MAGI1: variants seen among roughly 807,000 people sequenced by gnomAD.
MAGI1 encodes membrane-associated guanylate kinase, WW and PDZ domain-containing protein 1.
Under a neutral mutation model 139.9 loss-of-function variants are expected in MAGI1, and 58 were observed. That is an observed-to-expected ratio of 0.41 (90% CI 0.34 to 0.52). The LOEUF is 0.52. MAGI1 is among the 20% of genes least tolerant of loss of function. MAGI1 has a pLI of 0.12. For synonymous variants in MAGI1, 812 were observed against 737.9 expected, an observed-to-expected ratio of 1.10 and a Z score of -1.63; for missense variants, 1,874 against 1,901.6, an observed-to-expected ratio of 0.99 and a Z score of 0.27.
At chr3:65,560,074 G>A (rs2080272853) in intron 2 of MAGI1, among the ~76,000 whole-genome samples, 1 of 152,072 alleles carries the variant, frequency 6.6e-6, no homozygotes, top group Non-Finnish European at 1.5e-5. Flanking sequence ...TGACTTCAAA[G>A]CTTGTCTGTT....
intron 1 of MAGI1, among the ~76,000 whole-genome samples, chr3:65,637,254 GAA>G (rs1005929652): frequency 6.6e-6 from 1 of 150,948 alleles, no homozygotes; most frequent in Non-Finnish European, 1.5e-5. Flanking sequence ...GAGCATATTA[GAA>G]AAAAAAATAT....
At chr3:65,966,209 T>C (rs2064731779) in intron 1 of MAGI1, among the ~76,000 whole-genome samples, 1 of 152,152 alleles carries the variant, frequency 6.6e-6, no homozygotes, top group African/African-American at 2.4e-5. Context: ...ACTGCCAAAA[T>C]ACCCCATGGT....
At chr3:65,660,255 A>T (rs536302587) in intron 1 of MAGI1, among the ~76,000 whole-genome samples, 1 of 152,356 alleles carries the variant, frequency 6.6e-6, no homozygotes, top group African/African-American at 2.4e-5. Context: ...TGCACTCTCT[A>T]AGGCACTAAC....
At chr3:65,530,103 C>G (rs559898337) in intron 2 of MAGI1, among the ~76,000 whole-genome samples, 5 of 152,126 alleles carry the variant, frequency 3.3e-5, no homozygotes, top group Non-Finnish European at 5.9e-5. Flanking sequence ...GAAGCAATAC[C>G]TTGCATATAG....
chr3:65,417,035 G>C (rs566672627), intron 12 of MAGI1, among the ~76,000 whole-genome samples: 1 of 152,248 alleles, frequency 6.6e-6, no homozygotes, highest in South Asian at 2.1e-4. Flanking sequence ...TTTTACACAT[G>C]GTAAACTCTG....
intron 1 of MAGI1, among the ~76,000 whole-genome samples, chr3:65,636,284 G>C (rs1270095918): frequency 1.3e-5 from 2 of 152,106 alleles, no homozygotes; most frequent in East Asian, 3.9e-4. Context: ...CATTTTTCAA[G>C]AATGTGGTAC....
intron 4 of MAGI1, among the ~76,000 whole-genome samples, chr3:65,472,242 A>C (rs1950598875): frequency 6.6e-6 from 1 of 152,174 alleles, no homozygotes; most frequent in African/African-American, 2.4e-5. Context: ...AGTCACCTTT[A>C]ATTCTCTAGA....
At chr3:66,015,038 C>T (rs1219994398) in intron 1 of MAGI1, among the ~76,000 whole-genome samples, 2 of 151,972 alleles carry the variant, frequency 1.3e-5, no homozygotes, top group African/African-American at 4.8e-5. Context: ...CACCACCATC[C>T]CCTCACCCAG....
chr3:65,839,359 TTATTA>T (rs1025112277), intron 1 of MAGI1, among the ~76,000 whole-genome samples: 41 of 152,186 alleles, frequency 2.7e-4, no homozygotes, highest in Non-Finnish European at 5.0e-4. Flanking sequence ...GTTAATGTAT[TTATTA>T]TATTATACTT....
intron 1 of MAGI1, among the ~76,000 whole-genome samples, chr3:65,921,245 C>CA (rs1414365884): frequency 2.0e-5 from 3 of 150,220 alleles, no homozygotes; most frequent in Non-Finnish European, 4.4e-5. Context: ...CAATGTATAA[C>CA]AAAAAAAATT....
At chr3:65,699,488 C>A (rs1291467894) in intron 1 of MAGI1, among the ~76,000 whole-genome samples, 11 of 138,752 alleles carry the variant, frequency 7.9e-5, no homozygotes, top group African/African-American at 2.6e-4. Flanking sequence ...AAATGTCCAA[C>A]AATGATAGAC....
chr3:65,625,681 G>A (rs2083933450), intron 1 of MAGI1, among the ~76,000 whole-genome samples: 1 of 152,066 alleles, frequency 6.6e-6, no homozygotes, highest in South Asian at 2.1e-4. Context: ...TTGAGGTGAG[G>A]GGGCAAAGAA....
intron 1 of MAGI1, among the ~76,000 whole-genome samples, chr3:65,934,906 T>C (rs1013790061): frequency 9.9e-5 from 15 of 152,086 alleles, no homozygotes; most frequent in African/African-American, 3.6e-4. Context: ...ATCCTATCTA[T>C]AGTAAGCCAC....
chr3:65,455,378 C>T (rs553468848), intron 5 of MAGI1, among the ~76,000 whole-genome samples: 2 of 152,212 alleles, frequency 1.3e-5, no homozygotes, highest in East Asian at 1.9e-4. Flanking sequence ...CTGGTAACTA[C>T]GAATCTGTCC....
intron 1 of MAGI1, among the ~76,000 whole-genome samples, chr3:65,956,243 G>T (rs2064121219): frequency 1.3e-5 from 2 of 152,186 alleles, no homozygotes; most frequent in African/African-American, 4.8e-5. Context: ...TATGGGCCAG[G>T]AACTAAGTGC....
intron 1 of MAGI1, among the ~76,000 whole-genome samples, chr3:65,953,644 T>G (rs2063971310): frequency 6.6e-6 from 1 of 152,188 alleles, no homozygotes; most frequent in Non-Finnish European, 1.5e-5. Flanking sequence ...CAAGGCCACA[T>G]TCTTTCCTCC....
At chr3:65,502,315 C>G (rs1290685359) in intron 2 of MAGI1, among the ~76,000 whole-genome samples, 1 of 152,180 alleles carries the variant, frequency 6.6e-6, no homozygotes, top group Non-Finnish European at 1.5e-5. Flanking sequence ...CTGAATTATC[C>G]TATTATCACA....
chr3:65,634,259 G>C (rs2084476548), intron 1 of MAGI1, among the ~76,000 whole-genome samples: 1 of 152,090 alleles, frequency 6.6e-6, no homozygotes, highest in African/African-American at 2.4e-5. Flanking sequence ...AGACAAACCA[G>C]GAAGCACCAG....
chr3:65,951,244 C>G (rs926547673), intron 1 of MAGI1, among the ~76,000 whole-genome samples: 1 of 152,162 alleles, frequency 6.6e-6, no homozygotes, highest in South Asian at 2.1e-4. Context: ...AATATGGTAA[C>G]CCCCAGCAGA....
Sources: allele counts gnomAD v4.1 joint callset (sites outside exome capture counted in the v4.1 genomes callset), GRCh38; gene constraint gnomAD v4.1.1; transcripts MANE v1.5; gene names NCBI Gene and HGNC (gene_info 2026-07-23, HGNC 2026-07-21).